LRRC3: variants seen among roughly 807,000 people sequenced by gnomAD.
LRRC3 encodes the protein leucine-rich repeat-containing protein 3.
For synonymous variants in LRRC3, 172 were observed against 164.1 expected, an observed-to-expected ratio of 1.05 and a Z score of -0.37; for missense variants, 351 against 361.6, an observed-to-expected ratio of 0.97 and a Z score of 0.24.
rs1569134313 is a variant in LRRC3, at chr21:44,456,927, CTG to C, written c.285_286del (p.His97GlnfsTer177). 5.0e-6 allele frequency: 8 copies of C among 1,611,016 alleles called. No homozygotes were observed. Among genetic ancestry groups the C allele is most frequent in the Non-Finnish European group, 5.9e-6 (7 of 1,179,878 alleles). ...QHLHRLRELD[L>X]SHNAIEAIGS... ...CCTGCACCGGCTCAGGGAGCTGGATCTGTCTCACAACGCCATCGAGGCCATCG... is the reference window on the plus strand; with the variant it reads ...CCTGCACCGGCTCAGGGAGCTGGATCTCTCACAACGCCATCGAGGCCATCG... On this transcript the variant is annotated frameshift_variant, in exon 2 of 2. Coordinates refer to ENST00000291592, the MANE Select transcript of LRRC3 (RefSeq NM_030891.6). LOFTEE classifies it low-confidence loss of function (END_TRUNC).
chr21:44,456,062 G>C (rs2051696652), intron 1 of LRRC3, among the ~76,000 whole-genome samples: 1 of 152,182 alleles, frequency 6.6e-6, no homozygotes. Flanking sequence ...GCGCCCGCTG[G>C]TGCCCGGCCA....
rs2051702615 is a variant in LRRC3 at position 44,456,664 on chromosome 21, C to G, written c.20C>G (p.Pro7Arg). MGTVRPPRPSLLLVSTR... is the reference protein window; with the variant it reads MGTVRPRRPSLLLVSTR... ...GTCAGGATGGGCACCGTGCGCCCACCTCGCCCCTCGCTCCTGCTGGTCTCC... is the reference window on the plus strand; with the variant it reads ...GTCAGGATGGGCACCGTGCGCCCACGTCGCCCCTCGCTCCTGCTGGTCTCC... Residue 7 changes from proline (P) to arginine (R), a missense_variant, in exon 2 of 2, where the codon CCT becomes CGT. By Grantham distance (103) the Pro-to-Arg change is moderately radical. Coordinates refer to ENST00000291592, the MANE Select transcript of LRRC3 (RefSeq NM_030891.6). 1 of 1,600,834 alleles carries G rather than the reference C, an allele frequency of 6.2e-7. No homozygotes were observed. Among genetic ancestry groups the G allele is most frequent in the Non-Finnish European group, 8.5e-7 (1 of 1,174,630 alleles).
chr21:44,455,808 C>A (rs957559426), intron 1 of LRRC3, among the ~76,000 whole-genome samples, 153 bp downstream of exon 1: 8 of 151,956 alleles, frequency 5.3e-5, no homozygotes, highest in Non-Finnish European at 1.0e-4. Flanking sequence ...CCGAGCCTCT[C>A]CCGGCCGGCT....
At chr21:44,455,780 G>A (rs2051694183) in intron 1 of LRRC3, 125 bp downstream of exon 1, 1 of 152,110 alleles carries the variant, frequency 6.6e-6, no homozygotes, top group African/African-American at 2.4e-5. Flanking sequence ...GGGTCTAAAG[G>A]CTGGAGGTCC....
In LRRC3 at chr21:44,457,221, G is replaced by A; in HGVS notation, c.577G>A (p.Ala193Thr). 1 of 1,613,846 alleles carries A rather than the reference G, an allele frequency of 6.2e-7. No individual in the cohort carries two copies. Among genetic ancestry groups the A allele is most frequent in the Non-Finnish European group, 8.5e-7 (1 of 1,180,028 alleles). Residue 193 changes from alanine (A) to threonine (T), a missense_variant, in exon 2 of 2, where the codon GCC becomes ACC. By Grantham distance (58) the Ala-to-Thr change is moderately conservative. Coordinates refer to ENST00000291592, the MANE Select transcript of LRRC3 (RefSeq NM_030891.6). ...KPLVQALDAG[A>T]SLCSVPHRTT... ...TCTGGTTCAGGCTCTGGATGCGGGT[G>A]CCAGCCTCTGCAGCGTCCCCCACAG... is the stretch of plus-strand genomic sequence containing the variant.
rs146389544 is a variant in LRRC3, at chr21:44,456,711, C to T, written c.67C>T (p.Leu23Phe). The change falls in exon 2 of 2, where the codon CTC becomes TTC. Residue 23 changes from leucine (L) to phenylalanine (F), a missense_variant. Physicochemically the swap from Leu to Phe is conservative, Grantham distance 22. Transcript: ENST00000291592. ...LVSTRESCLF[L>F]LFCLHLGAAC... Reference sequence around the variant, plus strand: ...CTCCACCCGGGAGTCTTGTCTCTTCCTCCTCTTCTGCCTGCACCTGGGCGC... The same window carrying T: ...CTCCACCCGGGAGTCTTGTCTCTTCTTCCTCTTCTGCCTGCACCTGGGCGC... 2.8e-5 allele frequency: 45 copies of T among 1,609,822 alleles called. No homozygotes were observed. The African/African-American group carries it at 4.9e-4, about 18-fold the overall frequency.
rs1009812198 is a variant in LRRC3 at position 44,458,431 on chromosome 21, TGGGATTACAG to T, written c.*1015_*1024del. ...CGCCCGCCTCAGCCTCCCAAAGTGC[TGGGATTACAG>T]GCGTCAGCCACCGCGCCCGGCCCTG... On this transcript the variant is annotated 3_prime_UTR_variant, in exon 2 of 2. Transcript: ENST00000291592. 11 of 167,038 alleles carry T rather than the reference TGGGATTACAG, an allele frequency of 6.6e-5. No individual in the cohort carries two copies. Among genetic ancestry groups the T allele is most frequent in the Non-Finnish European group, 1.6e-4 (11 of 68,252 alleles). The allele number at this position is 167,038 out of a possible 1,614,324, so 10.3% of individuals were successfully genotyped here.
Position 44,457,344 on chromosome 21 carries a change from C to G in LRRC3, c.700C>G (p.Arg234Gly). 2 of 1,612,104 alleles carry G rather than the reference C, an allele frequency of 1.2e-6. No homozygotes were observed. Among genetic ancestry groups the G allele is most frequent in the South Asian group, 1.1e-5 (1 of 91,066 alleles). Reference sequence around the variant, plus strand: ...TGTGCGCCACAACCAGGAGGATGCCCGGAGGCACCTGGAGTACCTGAAGTC... The same window carrying G: ...TGTGCGCCACAACCAGGAGGATGCCGGGAGGCACCTGGAGTACCTGAAGTC... ...YYVRHNQEDA[R>G]RHLEYLKSLP... Residue 234 changes from arginine to glycine, a missense_variant, in exon 2 of 2, where the codon CGG becomes GGG. By Grantham distance (125) the Arg-to-Gly change is moderately radical. Transcript: ENST00000291592.
At position 44,457,385 on chromosome 21, in the gene LRRC3, C is replaced by T. The variant is rs61735251; in HGVS notation, c.741C>T (p.Pro247=). 3,792 of 1,600,946 alleles carry T rather than the reference C, an allele frequency of 2.4e-3. 61 individuals carry two copies. In the African/African-American group the frequency reaches 0.035, roughly 15 times the overall value. The part of the protein sequence containing the change: ...LEYLKSLPSA[P]ASKDPIGPGP Reference sequence around the variant, plus strand: ...ACCTGAAGTCTCTGCCCAGCGCCCCCGCCTCCAAGGACCCCATCGGCCCGG... The same window carrying T: ...ACCTGAAGTCTCTGCCCAGCGCCCCTGCCTCCAAGGACCCCATCGGCCCGG... The change falls in exon 2 of 2, where the codon CCC becomes CCT. Residue 247 remains proline, a synonymous_variant. Coordinates refer to ENST00000291592, the MANE Select transcript of LRRC3 (RefSeq NM_030891.6).
rs1031342930 is a variant in LRRC3 at position 44,461,804 on chromosome 21, C to T, written c.*4386C>T. On this transcript the variant is annotated 3_prime_UTR_variant, in exon 2 of 2. Transcript: ENST00000291592. ...CAAGGCAGCAAGGCAAGGAGCCCGGCTTCTAAGGAACTCTGAGCAGGTGTG... is the reference window on the plus strand; with the variant it reads ...CAAGGCAGCAAGGCAAGGAGCCCGGTTTCTAAGGAACTCTGAGCAGGTGTG... 1 of 152,424 alleles carries T rather than the reference C, an allele frequency of 6.6e-6. No individual in the cohort carries two copies. The highest frequency in any genetic ancestry group is 2.4e-5 in the African/African-American group (1 of 41,482). 9.4% of individuals were successfully genotyped at this position (152,424 alleles called of 1,614,324 possible).
In LRRC3 at chr21:44,457,954, C is replaced by T. The variant is rs1243757008; in HGVS notation, c.*536C>T. 1 of 168,854 alleles carries T rather than the reference C, an allele frequency of 5.9e-6. No homozygotes were observed. The highest frequency in any genetic ancestry group is 1.4e-5 in the Non-Finnish European group (1 of 69,514). 10.5% of individuals were successfully genotyped at this position (168,854 alleles called of 1,614,324 possible). ...TACATTGGAACGTAAGCCCTGTTTC[C>T]AGAGCAAAGTAACAGAGACCAGGTT... On this transcript the variant is annotated 3_prime_UTR_variant, in exon 2 of 2. Coordinates refer to ENST00000291592, the MANE Select transcript of LRRC3 (RefSeq NM_030891.6).
Position 44,459,812 on chromosome 21 carries a change from G to C in LRRC3, c.*2394G>C, listed in dbSNP as rs1000620894. The C allele has an allele frequency of 1.3e-5, 2 of 152,030 alleles. No individual in the cohort carries two copies. Among genetic ancestry groups the C allele is most frequent in the African/African-American group, 4.8e-5 (2 of 41,354 alleles). The allele number at this position is 152,030 out of a possible 1,614,324, so 9.4% of individuals were successfully genotyped here. On this transcript the variant is annotated 3_prime_UTR_variant, in exon 2 of 2. Transcript: ENST00000291592. ...AATTTGCTGGGCTGCCTCAGCCCAG[G>C]GTCTGGCCTTCTCCTTGGTGAAGGT... is the stretch of plus-strand genomic sequence containing the variant.
rs11405789 is a variant in LRRC3 at position 44,458,762 on chromosome 21, T to TG, written c.*1352dup. On this transcript the variant is annotated 3_prime_UTR_variant, in exon 2 of 2. Transcript: ENST00000291592. The stretch of plus-strand genomic sequence containing the variant: ...TATTTTAAAGTACTTTGAGTATTTT[T>TG]GGGGGGGGTGTAAATGAGTGATCAG... 5,070 of 166,756 alleles carry TG rather than the reference T, an allele frequency of 0.03. 203 individuals carry two copies. The highest frequency in any genetic ancestry group is 0.096 in the African/African-American group (3,990 of 41,390). The allele number at this position is 166,756 out of a possible 1,614,324, so 10.3% of individuals were successfully genotyped here.
Position 44,456,551 on chromosome 21 carries a change from A to C in LRRC3, c.-94A>C. 7 of 1,357,668 alleles carry C rather than the reference A, an allele frequency of 5.2e-6. No individual in the cohort carries two copies. In the South Asian group the frequency reaches 9.7e-5, roughly 19 times the overall value. 84.1% of individuals were successfully genotyped at this position (1,357,668 alleles called of 1,614,324 possible). On this transcript the variant is annotated 5_prime_UTR_variant, in exon 2 of 2. It removes an upstream start codon present in the reference 5' UTR. Coordinates refer to ENST00000291592, the MANE Select transcript of LRRC3 (RefSeq NM_030891.6). ...CCCAGCGGGGCAGGATGGCGGTTTCATGTCTGGTTGGATAAGGCCTTGCCT... is the reference window on the plus strand; with the variant it reads ...CCCAGCGGGGCAGGATGGCGGTTTCCTGTCTGGTTGGATAAGGCCTTGCCT...
Position 44,457,325 on chromosome 21 carries a change from C to T in LRRC3, c.681C>T (p.Arg227=), listed in dbSNP as rs1247099202. The T allele has an allele frequency of 6.2e-7, 1 of 1,613,272 alleles. No homozygotes were observed. Among genetic ancestry groups the T allele is most frequent in the Non-Finnish European group, 8.5e-7 (1 of 1,179,676 alleles). Reference sequence around the variant, plus strand: ...TCGCCTACGTCGTGTACTATGTGCGCCACAACCAGGAGGATGCCCGGAGGC... The same window carrying T: ...TCGCCTACGTCGTGTACTATGTGCGTCACAACCAGGAGGATGCCCGGAGGC... ...MVIAYVVYYV[R]HNQEDARRHL... The change falls in exon 2 of 2, where the codon CGC becomes CGT. Residue 227 remains arginine (R), a synonymous_variant. Coordinates refer to ENST00000291592, the MANE Select transcript of LRRC3 (RefSeq NM_030891.6).
chr21:44,457,646 A>G lies in LRRC3; in HGVS notation c.*228A>G, dbSNP rs1270386812. The stretch of plus-strand genomic sequence containing the variant: ...CGGAATGACTGCCCGTGACGATACC[A>G]TCAGGAAATTATCCCAGTGGAACTT... On this transcript the variant is annotated 3_prime_UTR_variant, in exon 2 of 2. Coordinates refer to ENST00000291592, the MANE Select transcript of LRRC3 (RefSeq NM_030891.6). 3.6e-6 allele frequency: 2 copies of G among 558,816 alleles called. No homozygotes were observed. The highest frequency in any genetic ancestry group is 3.6e-5 in the Admixed American group (1 of 28,104). The allele number at this position is 558,816 out of a possible 1,614,324, so 34.6% of individuals were successfully genotyped here. A position where few individuals can be genotyped will look rare whatever the true frequency, so the allele number is the denominator to read the frequency against.
At chr21:44,455,859 C>T (rs1036710698) in intron 1 of LRRC3, among the ~76,000 whole-genome samples, 9 of 152,136 alleles carry the variant, frequency 5.9e-5, no homozygotes, top group East Asian at 1.9e-4. Context: ...GCGGGCCGCG[C>T]GCACAGGGCT....
At position 44,457,170 on chromosome 21, in the gene LRRC3, G is replaced by C; in HGVS notation, c.526G>C (p.Val176Leu). 6.2e-7 allele frequency: 1 copy of C among 1,613,808 alleles called. No individual in the cohort carries two copies. The highest frequency in any genetic ancestry group is 1.1e-5 in the South Asian group (1 of 91,086). Residue 176 changes from valine to leucine, a missense_variant, in exon 2 of 2, where the codon GTG (valine) becomes CTG (leucine). Physicochemically the swap from Val to Leu is conservative, Grantham distance 32. Coordinates refer to ENST00000291592, the MANE Select transcript of LRRC3 (RefSeq NM_030891.6). ...GGACGAGATCGCCTGCCACACCTCA[G>C]TGCAGGAGGAGTTTGTGGGGAAGCC... ...SVDEIACHTS[V>L]QEEFVGKPLV...
At position 44,456,684 on chromosome 21, in the gene LRRC3, G is replaced by A. The variant is rs1222837978; in HGVS notation, c.40G>A (p.Val14Ile). ...CCCACCTCGCCCCTCGCTCCTGCTGGTCTCCACCCGGGAGTCTTGTCTCTT... is the reference window on the plus strand; with the variant it reads ...CCCACCTCGCCCCTCGCTCCTGCTGATCTCCACCCGGGAGTCTTGTCTCTT... ...VRPPRPSLLL[V>I]STRESCLFLL... The change falls in exon 2 of 2, where the codon GTC (valine) becomes ATC (isoleucine). Residue 14 changes from valine (V) to isoleucine (I), a missense_variant. Physicochemically the swap from Val to Ile is conservative, Grantham distance 29. Transcript: ENST00000291592. 1 of 1,607,574 alleles carries A rather than the reference G, an allele frequency of 6.2e-7. No homozygotes were observed. Among genetic ancestry groups the A allele is most frequent in the East Asian group, 2.2e-5 (1 of 44,786 alleles).
Sources: allele counts gnomAD v4.1 joint callset (sites outside exome capture counted in the v4.1 genomes callset), GRCh38; gene constraint gnomAD v4.1.1; transcripts MANE v1.5; gene names NCBI Gene and HGNC (gene_info 2026-07-23, HGNC 2026-07-21).